DDX31: variants seen among roughly 807,000 people sequenced by gnomAD.
DDX31 encodes ATP-dependent DNA helicase DDX31.
DDX31 carries 70 observed loss-of-function variants against 91.3 expected under a neutral mutation model. The observed-to-expected ratio is 0.77, with a 90% confidence interval of 0.63 to 0.94. The LOEUF is 0.94. DDX31 is among the 40% of genes least tolerant of loss of function. The pLI is 0.00. For synonymous variants in DDX31, 362 were observed against 350.6 expected, an observed-to-expected ratio of 1.03 and a Z score of -0.36; for missense variants, 902 against 925.0, an observed-to-expected ratio of 0.98 and a Z score of 0.32.
chr9:132,610,540 A>G (rs1183387971), intron 19 of DDX31, among the ~76,000 whole-genome samples: 1 of 152,146 alleles, frequency 6.6e-6, no homozygotes, highest in African/African-American at 2.4e-5. Context: ...CAGAGAGGTC[A>G]AGTTGGATGT....
intron 19 of DDX31, among the ~76,000 whole-genome samples, chr9:132,606,302 CAT>C (rs1199391402): frequency 6.6e-6 from 1 of 152,190 alleles, no homozygotes; most frequent in Non-Finnish European, 1.5e-5. Flanking sequence ...GTAAATGCCA[CAT>C]AAAAATTGGC....
chr9:132,609,045 G>A (rs538704552), intron 19 of DDX31, among the ~76,000 whole-genome samples: 11 of 152,302 alleles, frequency 7.2e-5, no homozygotes, highest in African/African-American at 2.2e-4. Context: ...GTCTGCCTTC[G>A]AAAGGCAGGG....
intron 16 of DDX31, among the ~76,000 whole-genome samples, chr9:132,629,015 AG>A (rs1832565074): frequency 6.6e-6 from 1 of 152,250 alleles, no homozygotes. Context: ...TACCTTCCCC[AG>A]GGTTCCTGGT....
At chr9:132,606,356 GA>G (rs1229718783) in intron 19 of DDX31, among the ~76,000 whole-genome samples, 1 of 152,210 alleles carries the variant, frequency 6.6e-6, no homozygotes, top group Non-Finnish European at 1.5e-5. Context: ...TTTACAGGGA[GA>G]TGCAGCTGCA....
intron 1 of DDX31, 61 bp from the exon 2 acceptor site, chr9:132,662,756 C>T (rs1423554151): frequency 5.6e-6 from 9 of 1,602,490 alleles, no homozygotes; most frequent in African/African-American, 1.3e-5. Flanking sequence ...AAACAGAGCT[C>T]GGAGTGAAGC....
intron 19 of DDX31, among the ~76,000 whole-genome samples, chr9:132,609,225 C>T (rs911413318): frequency 6.6e-6 from 1 of 152,170 alleles, no homozygotes; most frequent in Admixed American, 6.5e-5. Flanking sequence ...GGCTCCCTGC[C>T]GCGCCAGCCA....
intron 16 of DDX31, among the ~76,000 whole-genome samples, chr9:132,626,950 C>G (rs559615795): frequency 3.9e-5 from 6 of 152,180 alleles, no homozygotes; most frequent in Non-Finnish European, 8.8e-5. Context: ...GGAGAGTGCC[C>G]TGACTTCATG....
intron 1 of DDX31, among the ~76,000 whole-genome samples, chr9:132,668,975 G>T (rs1054318695): frequency 6.6e-6 from 1 of 151,306 alleles, no homozygotes; most frequent in African/African-American, 2.4e-5. Flanking sequence ...GGGCTTCCAG[G>T]CTATAGGTAA....
chr9:132,646,157 T>A, intron 12 of DDX31, 86 bp from the exon 13 acceptor site: 1 of 1,358,262 alleles, frequency 7.4e-7, no homozygotes, highest in South Asian at 1.5e-5. Flanking sequence ...TATACAGTCA[T>A]GCTGACCCCC....
intron 14 of DDX31, among the ~76,000 whole-genome samples, chr9:132,640,644 G>T (rs1390280559): frequency 6.6e-6 from 1 of 152,010 alleles, no homozygotes; most frequent in Non-Finnish European, 1.5e-5. Flanking sequence ...CTATGGGCAC[G>T]TGCCACCATG....
chr9:132,615,013 C>T (rs560554134), intron 18 of DDX31, among the ~76,000 whole-genome samples: 1 of 151,988 alleles, frequency 6.6e-6, no homozygotes, highest in Non-Finnish European at 1.5e-5. Flanking sequence ...TTGGCAGCGT[C>T]GAGAATGTGC....
At chr9:132,617,262 GC>G (rs1369239673) in intron 18 of DDX31, among the ~76,000 whole-genome samples, 23 of 152,040 alleles carry the variant, frequency 1.5e-4, no homozygotes, top group Non-Finnish European at 3.1e-4. Context: ...ACACAATGAG[GC>G]TCACTCTGAC....
chr9:132,612,211 G>A lies in DDX31; in HGVS notation c.1870C>T (p.Leu624=). 1 of 1,614,204 alleles carries A rather than the reference G, an allele frequency of 6.2e-7. No homozygotes were observed. Among genetic ancestry groups the A allele is most frequent in the South Asian group, 1.1e-5 (1 of 91,082 alleles). The stretch of plus-strand genomic sequence containing the variant: ...GATCGGACGTGGAAGATGTGCTTCA[G>A]CTCCCTGGGGTAGGTGGCGTAGGCT... The part of the protein sequence containing the change: ...IQAYATYPRE[L]KHIFHVRSLH... The change falls in exon 19 of 20, where the codon CTG becomes TTG. Residue 624 remains leucine, a synonymous_variant. Transcript: ENST00000372159.
chr9:132,635,944 C>CA (rs1051885988), intron 14 of DDX31, among the ~76,000 whole-genome samples: 44 of 148,694 alleles, frequency 3.0e-4, no homozygotes, highest in Admixed American at 6.7e-4. Context: ...AACTCTGTCT[C>CA]AAAAAAAAAG....
rs1383129938 is a variant in DDX31, at chr9:132,664,117, A to T, written c.76-1422T>A. ...CTGTTCATGACCCATTCTAGGAATC[A>T]GGAAGCTGTCTCTGACATTTATGCA... On this transcript the variant is annotated intron_variant, in intron 1 of 19. Coordinates refer to ENST00000372159, the MANE Select transcript of DDX31 (RefSeq NM_022779.9). Among the ~76,000 whole-genome samples, 8 of 152,354 alleles carry T rather than the reference A, an allele frequency of 5.3e-5. No homozygotes were observed. The East Asian group carries it at 1.5e-3, about 29-fold the overall frequency.
At chr9:132,664,673 T>C (rs1835194647) in intron 1 of DDX31, among the ~76,000 whole-genome samples, 1 of 140,716 alleles carries the variant, frequency 7.1e-6, no homozygotes, top group Non-Finnish European at 1.5e-5. Context: ...GACGCCATGA[T>C]GCCACTGCTC....
Position 132,625,812 on chromosome 9 carries a change from C to T in DDX31, c.1632-67G>A, listed in dbSNP as rs964464370. On this transcript the variant is annotated intron_variant, in intron 16 of 19. Transcript: ENST00000372159. ...CAAAAACACCCAAGACCTTGATGCA[C>T]AAAACTGGCCTATTCTTGAGCTAAT... is the stretch of plus-strand genomic sequence containing the variant. The T allele has an allele frequency of 8.4e-6, 10 of 1,191,490 alleles. No homozygotes were observed. In the African/African-American group the frequency reaches 1.1e-4, roughly 13 times the overall value. 73.8% of individuals were successfully genotyped at this position (1,191,490 alleles called of 1,614,324 possible).
chr9:132,638,117 G>A (rs1386050851), intron 14 of DDX31: 1 of 1,376,722 alleles, frequency 7.3e-7, no homozygotes, highest in Non-Finnish European at 9.4e-7. Flanking sequence ...AGGATGCCAA[G>A]GGACAGTTGG....
intron 1 of DDX31, among the ~76,000 whole-genome samples, chr9:132,665,165 A>G (rs1026200641): frequency 1.3e-5 from 2 of 152,222 alleles, no homozygotes; most frequent in Admixed American, 6.5e-5. Flanking sequence ...TATCCCCTGT[A>G]TAGGCCCCTG....
Sources: allele counts gnomAD v4.1 joint callset (sites outside exome capture counted in the v4.1 genomes callset), GRCh38; gene constraint gnomAD v4.1.1; transcripts MANE v1.5; gene names NCBI Gene and HGNC (gene_info 2026-07-23, HGNC 2026-07-21).